CNOT4: variants seen among roughly 807,000 people sequenced by gnomAD.
The protein encoded by CNOT4 is CCR4-associated factor 4.
CNOT4 carries 8 observed loss-of-function variants against 73.8 expected under a neutral mutation model. The observed-to-expected ratio is 0.11, with a 90% CI of 0.06 to 0.20. The LOEUF is 0.20. Ranked by LOEUF, CNOT4 falls within the 10% of genes least tolerant of loss-of-function variation. The pLI is 1.00. For missense variants in CNOT4, 564 were observed against 883.4 expected (o/e 0.64, Z 4.58); for synonymous variants, 293 against 321.1 (o/e 0.91, Z 0.94).
rs77245177 is a variant in CNOT4, at chr7:135,364,036, A to G, written c.1658T>C (p.Met553Thr). Residue 553 changes from methionine to threonine, a missense_variant, in exon 11 of 12, where the codon ATG becomes ACG. By Grantham distance (81) the Met-to-Thr change is moderately conservative. Coordinates refer to ENST00000541284, the MANE Select transcript of CNOT4 (RefSeq NM_001190850.2). This position sits in a 1 kb window ranked among gnomAD's most constrained non-coding sequence, Gnocchi z 4.3. Reference sequence around the variant, plus strand: ...CCTTAGCCCGTCCTGCCATTCCTTCATATTTAAACTCTCTACAGAACTGCT... The same window carrying G: ...CCTTAGCCCGTCCTGCCATTCCTTCGTATTTAAACTCTCTACAGAACTGCT... Reference protein sequence around the residue: ...DNSSSVESLNMKEWQDGLRAL... With the variant: ...DNSSSVESLNTKEWQDGLRAL... 9.4e-6 allele frequency: 15 copies of G among 1,598,142 alleles called. No homozygotes were observed. The highest frequency in any genetic ancestry group is 1.3e-5 in the Non-Finnish European group (15 of 1,179,588).
intron 1 of CNOT4, among the ~76,000 whole-genome samples, chr7:135,501,973 C>G (rs1803997023): frequency 6.6e-6 from 1 of 152,166 alleles, no homozygotes; most frequent in Non-Finnish European, 1.5e-5. Context: ...AATGATAATG[C>G]CATAGTAATG....
At chr7:135,493,499 G>A (rs960180599) in intron 1 of CNOT4, among the ~76,000 whole-genome samples, 7 of 152,204 alleles carry the variant, frequency 4.6e-5, no homozygotes, top group Non-Finnish European at 7.3e-5. Context: ...CAAGGATACA[G>A]GAAATTTTGC....
rs1797788082 is a variant in CNOT4, at chr7:135,415,091, CAGAG to C, written c.459+81_459+84del. On this transcript the variant is annotated intron_variant, in intron 4 of 11. Transcript: ENST00000541284. ...GTCCTTGTCCCTCAAGCTTTCTAATCAGAGAGAGCAAAGTTTCCTTTGGAACAGC... is the reference window on the plus strand; with the variant it reads ...GTCCTTGTCCCTCAAGCTTTCTAATCAGAGCAAAGTTTCCTTTGGAACAGC... The C allele has an allele frequency of 1.0e-5, 8 of 794,774 alleles. No individual in the cohort carries two copies. The South Asian group carries it at 1.3e-4, about 13-fold the overall frequency. 49.2% of individuals were successfully genotyped at this position (794,774 alleles called of 1,614,324 possible).
At chr7:135,453,394 T>C (rs987149691) in intron 1 of CNOT4, among the ~76,000 whole-genome samples, 1 of 152,086 alleles carries the variant, frequency 6.6e-6, no homozygotes, top group Non-Finnish European at 1.5e-5. Context: ...TAACCCCAGA[T>C]GGCATGCTAC....
At position 135,364,704 on chromosome 7, in the gene CNOT4, A is replaced by C. The variant is rs1213306587; in HGVS notation, c.1628-638T>G. ...CCTTCTAGATGGAATAATTTCCAAC[A>C]CAGTCTGCCTGCTCTACTCCAACAG... is the stretch of plus-strand genomic sequence containing the variant. On this transcript the variant is annotated intron_variant, in intron 10 of 11. Coordinates refer to ENST00000541284, the MANE Select transcript of CNOT4 (RefSeq NM_001190850.2). The surrounding 1 kb of genome is among the most constrained non-coding windows in gnomAD (Gnocchi z 4.3). 2.0e-5 allele frequency among the ~76,000 whole-genome samples: 3 copies of C among 152,180 alleles called. No individual in the cohort carries two copies. The highest frequency in any genetic ancestry group is 4.4e-5 in the Non-Finnish European group (3 of 68,036).
intron 10 of CNOT4, among the ~76,000 whole-genome samples, chr7:135,391,788 A>G (rs1029350325): frequency 6.6e-6 from 1 of 152,082 alleles, no homozygotes; most frequent in Non-Finnish European, 1.5e-5. Context: ...TTCAGTGTTA[A>G]GGGATAATAT....
chr7:135,383,055 T>C (rs1485429660), intron 10 of CNOT4, among the ~76,000 whole-genome samples: 2 of 152,184 alleles, frequency 1.3e-5, no homozygotes, highest in Non-Finnish European at 2.9e-5. Context: ...ACATTCTCTT[T>C]GGGGGAAATT....
intron 1 of CNOT4, among the ~76,000 whole-genome samples, chr7:135,442,993 C>T (rs956650891): frequency 2.0e-5 from 3 of 151,748 alleles, no homozygotes; most frequent in Non-Finnish European, 4.4e-5. Flanking sequence ...AAGGAGGTCG[C>T]GGCTGTAGTG....
intron 10 of CNOT4, among the ~76,000 whole-genome samples, chr7:135,374,137 T>C (rs1795385711): frequency 6.6e-6 from 1 of 152,158 alleles, no homozygotes; most frequent in Non-Finnish European, 1.5e-5. Context: ...AGTCCTTATA[T>C]ATCCCACGGC....
chr7:135,494,127 TA>T (rs528648593), intron 1 of CNOT4, among the ~76,000 whole-genome samples: 12 of 147,096 alleles, frequency 8.2e-5, no homozygotes, highest in Non-Finnish European at 1.5e-4. Context: ...TTTGAGAAGG[TA>T]AAGTCCTATA....
At chr7:135,377,671 C>T (rs143899444) in intron 10 of CNOT4, among the ~76,000 whole-genome samples, 147 of 152,058 alleles carry the variant, frequency 9.7e-4, no homozygotes, top group African/African-American at 3.4e-3. Flanking sequence ...TTCAAAAGAC[C>T]CTGAATTCAA....
intron 1 of CNOT4, among the ~76,000 whole-genome samples, chr7:135,499,544 G>T (rs945142776): frequency 6.6e-6 from 1 of 150,988 alleles, no homozygotes; most frequent in Non-Finnish European, 1.5e-5. Flanking sequence ...TCAAATTTTC[G>T]AACAGTTTGG....
intron 1 of CNOT4, among the ~76,000 whole-genome samples, chr7:135,489,190 C>T (rs1802935312): frequency 6.6e-6 from 1 of 151,754 alleles, no homozygotes; most frequent in Non-Finnish European, 1.5e-5. Context: ...TTACATTTTC[C>T]ACTAGCCATA....
intron 2 of CNOT4, among the ~76,000 whole-genome samples, chr7:135,427,201 A>C (rs765089991): frequency 6.6e-6 from 1 of 152,186 alleles, no homozygotes; most frequent in Non-Finnish European, 1.5e-5. Context: ...ATGTGTAGTT[A>C]TGTTTCCACT....
chr7:135,386,253 T>C (rs996229035), intron 10 of CNOT4: 1 of 151,568 alleles, frequency 6.6e-6, no homozygotes, highest in African/African-American at 2.4e-5. Flanking sequence ...CATATGTACA[T>C]GCACACAAAC....
intron 5 of CNOT4, 66 bp from the exon 6 acceptor site, chr7:135,413,679 C>T (rs1357623870): frequency 3.3e-6 from 5 of 1,510,810 alleles, no homozygotes; most frequent in Non-Finnish European, 4.5e-6. Context: ...ATGAGAATCT[C>T]CATGTTTAGT....
chr7:135,395,551 A>G (rs996136338), intron 9 of CNOT4, 83 bp downstream of exon 9: 1 of 1,411,704 alleles, frequency 7.1e-7, no homozygotes, highest in East Asian at 2.3e-5. Context: ...AGATAAAAAT[A>G]TATCCACTAA....
intron 1 of CNOT4, among the ~76,000 whole-genome samples, chr7:135,453,963 C>A (rs1054910669): frequency 7.8e-5 from 11 of 141,198 alleles, no homozygotes; most frequent in Admixed American, 1.4e-4. Flanking sequence ...TATGGCGAAA[C>A]CCTATCTCTA....
In CNOT4 at chr7:135,362,743, TG is replaced by T; in HGVS notation, c.*141del. 2 of 830,146 alleles carry T rather than the reference TG, an allele frequency of 2.4e-6. No individual in the cohort carries two copies. 51.4% of individuals were successfully genotyped at this position (830,146 alleles called of 1,614,324 possible). A position where few individuals can be genotyped will look rare whatever the true frequency, so the allele number is the denominator to read the frequency against. On this transcript the variant is annotated 3_prime_UTR_variant, in exon 12 of 12. Coordinates refer to ENST00000541284, the MANE Select transcript of CNOT4 (RefSeq NM_001190850.2). ...AATGACCCTGTGATCGCATTGCATC[TG>T]GGGTTAGGGAGAAAAAAAATTGATC...
Sources: gnomAD v4.1 joint callset for allele counts (sites outside exome capture counted in the v4.1 genomes callset) on GRCh38, gnomAD v4.1.1 for gene constraint, Gnocchi (gnomAD v3.1) non-coding constraint, MANE v1.5 for transcripts, NCBI Gene and HGNC (gene_info 2026-07-23, HGNC 2026-07-21) for gene names.